KIF2C: variants seen among roughly 807,000 people sequenced by gnomAD.
KIF2C encodes kinesin family member 2C, also known as kinesin-like protein KIF2C.
Under a neutral mutation model 97.4 loss-of-function variants are expected in KIF2C, and 34 were observed. The ratio of observed to expected loss-of-function variants is 0.35; its 90% CI spans 0.27 to 0.46. KIF2C has a LOEUF of 0.46. Among genes scored for constraint, KIF2C ranks in the 20% least tolerant of loss-of-function variants. The pLI is 1.00. For missense variants in KIF2C, 750 were observed against 907.6 expected (o/e 0.83, Z 2.23); for synonymous variants, 313 against 318.2 (o/e 0.98, Z 0.17).
At chr1:44,755,844 G>T in intron 8 of KIF2C, 85 bp from the exon 9 acceptor site, 1 of 1,280,766 alleles carries the variant, frequency 7.8e-7, no homozygotes, top group Non-Finnish European at 1.1e-6. Flanking sequence ...ACATGGGATT[G>T]GAAGGGGTGG....
At position 44,753,352 on chromosome 1, in the gene KIF2C, C is replaced by T. The variant is rs1026927917; in HGVS notation, c.562+98C>T. ...GCCTACCTTGGCACCTGAGTTCAAG[C>T]CCTGTTTGTCACGTGGGGGCATGTT... is the stretch of plus-strand genomic sequence containing the variant. On this transcript the variant is annotated intron_variant, in intron 6 of 20. Coordinates refer to ENST00000372224, the MANE Select transcript of KIF2C (RefSeq NM_006845.4). 2.2e-6 allele frequency: 3 copies of T among 1,372,380 alleles called. No homozygotes were observed. The African/African-American group carries it at 4.4e-5, about 20-fold the overall frequency. 85.0% of individuals were successfully genotyped at this position (1,372,380 alleles called of 1,614,324 possible).
chr1:44,759,355 G>A lies in KIF2C; in HGVS notation c.1367+7G>A, dbSNP rs1170345618. 1.2e-6 allele frequency: 2 copies of A among 1,613,904 alleles called. No homozygotes were observed. Among genetic ancestry groups the A allele is most frequent in the African/African-American group, 2.7e-5 (2 of 74,936 alleles). On this transcript the variant is annotated splice_region_variant and intron_variant, in intron 14 of 20. Transcript: ENST00000372224. ...ACATGGGCAGCGCCTGCAGGTGAGA[G>A]TCCTGGTGAGGGGAAGGAGCGACCT...
Position 44,753,149 on chromosome 1 carries a change from T to C in KIF2C, c.457T>C (p.Ser153Pro). 6.2e-7 allele frequency: 1 copy of C among 1,613,170 alleles called. No individual in the cohort carries two copies. Among genetic ancestry groups the C allele is most frequent in the Non-Finnish European group, 8.5e-7 (1 of 1,179,496 alleles). The change falls in exon 6 of 21, where the codon TCC (serine) becomes CCC (proline). Residue 153 changes from serine (S) to proline (P), a missense_variant. Coordinates refer to ENST00000372224, the MANE Select transcript of KIF2C (RefSeq NM_006845.4). Reference protein sequence around the residue: ...FSVPPAPTRPSCPAVAEIPLR... With the variant: ...FSVPPAPTRPPCPAVAEIPLR... ...CCCTACAGCTGCCCCCACTAGGCCT[T>C]CCTGCCCTGCAGTGGCTGAAATACC...
rs1023732842 is a variant in KIF2C at position 44,760,021 on chromosome 1, C to G, written c.1368-259C>G. Among the ~76,000 whole-genome samples, 5 of 152,154 alleles carry G rather than the reference C, an allele frequency of 3.3e-5. No individual in the cohort carries two copies. The highest frequency in any genetic ancestry group is 7.4e-5 in the Non-Finnish European group (5 of 68,024). On this transcript the variant is annotated intron_variant, in intron 14 of 20. Transcript: ENST00000372224. The surrounding 1 kb of genome is among the most constrained non-coding windows in gnomAD (Gnocchi z 4.2). ...CTTTAGCAGAGGGAATTTATCCTTC[C>G]CCGTGTCCTTCTAGGGCTCCAGGTC...
At chr1:44,767,069 C>G (rs1343239392) in intron 20 of KIF2C, 28 bp from the exon 21 acceptor site, 4 of 1,612,524 alleles carry the variant, frequency 2.5e-6, no homozygotes, top group African/African-American at 2.7e-5. Context: ...CTCACTAACC[C>G]CATATGTACC....
intron 4 of KIF2C, 51 bp downstream of exon 4, chr1:44,747,751 T>C (rs1327641962): frequency 1.9e-6 from 3 of 1,544,174 alleles, no homozygotes; most frequent in Non-Finnish European, 1.8e-6. Context: ...TCAGGAATTA[T>C]GTTTCTAGGA....
chr1:44,767,377 C>T lies in KIF2C; in HGVS notation c.*198C>T, dbSNP rs2148838571. On this transcript the variant is annotated 3_prime_UTR_variant, in exon 21 of 21. Coordinates refer to ENST00000372224, the MANE Select transcript of KIF2C (RefSeq NM_006845.4). ...CATGGGACACTCCTTTTCTGTTCCT[C>T]AGTTGTCGCCCTCACGAGAGGAAGG... is the stretch of plus-strand genomic sequence containing the variant. The T allele has an allele frequency of 5.7e-6, 3 of 528,148 alleles. No individual in the cohort carries two copies. Among genetic ancestry groups the T allele is most frequent in the South Asian group, 4.1e-5 (2 of 48,794 alleles). 32.7% of individuals were successfully genotyped at this position (528,148 alleles called of 1,614,324 possible).
chr1:44,742,659 C>T (rs1200549989), intron 2 of KIF2C, among the ~76,000 whole-genome samples: 5 of 145,122 alleles, frequency 3.4e-5, no homozygotes, highest in Non-Finnish European at 7.4e-5. Context: ...GCAGAGGTTG[C>T]AGTGAGCTGA....
chr1:44,739,967 T>C lies in KIF2C; in HGVS notation c.35T>C (p.Phe12Ser). The C allele has an allele frequency of 1.2e-6, 2 of 1,614,218 alleles. No individual in the cohort carries two copies. The highest frequency in any genetic ancestry group is 1.7e-6 in the Non-Finnish European group (2 of 1,180,038). The change falls in exon 1 of 21, where the codon TTT becomes TCT. Residue 12 changes from phenylalanine to serine, a missense_variant. Coordinates refer to ENST00000372224, the MANE Select transcript of KIF2C (RefSeq NM_006845.4). Reference sequence around the variant, plus strand: ...GACTCGTCGCTTCAGGCCCGCCTGTTTCCCGGTCTCGCTATCAAGATCCAA... The same window carrying C: ...GACTCGTCGCTTCAGGCCCGCCTGTCTCCCGGTCTCGCTATCAAGATCCAA... ...AMDSSLQARL[F>S]PGLAIKIQRS...
At chr1:44,761,825 G>T (rs1650160223) in intron 16 of KIF2C, 91 bp from the exon 17 acceptor site, 3 of 1,240,004 alleles carry the variant, frequency 2.4e-6, no homozygotes, top group Non-Finnish European at 3.6e-6. Context: ...AAAGCTTGAA[G>T]AAACACCCTG....
At chr1:44,747,551 CTGAT>C in intron 3 of KIF2C, 66 bp downstream of exon 3, 3 of 1,568,466 alleles carry the variant, frequency 1.9e-6, no homozygotes, top group Non-Finnish European at 2.6e-6. Flanking sequence ...TGACTCTTTG[CTGAT>C]TGATTGTCTG....
At position 44,751,739 on chromosome 1, in the gene KIF2C, C is replaced by T. The variant is rs138260510; in HGVS notation, c.439+1175C>T. On this transcript the variant is annotated intron_variant, in intron 5 of 20. Transcript: ENST00000372224. ...GTCAGGCTGGTCTCGAACTCCTGAC[C>T]TCATGTGATCTGCCCGCCTTGGCCT... is the stretch of plus-strand genomic sequence containing the variant. Among the ~76,000 whole-genome samples, 732 of 151,430 alleles carry T rather than the reference C, an allele frequency of 4.8e-3. 5 individuals carry two copies. The highest frequency in any genetic ancestry group is 0.017 in the African/African-American group (695 of 41,226).
chr1:44,756,302 G>C, intron 10 of KIF2C, 65 bp downstream of exon 10: 1 of 1,483,086 alleles, frequency 6.7e-7, no homozygotes, highest in Non-Finnish European at 9.4e-7. Flanking sequence ...GTGGGACATC[G>C]TGGTAACACT....
At chr1:44,741,065 T>A in intron 2 of KIF2C, 58 bp downstream of exon 2, 1 of 1,337,904 alleles carries the variant, frequency 7.5e-7, no homozygotes, top group Non-Finnish European at 1.1e-6. Context: ...AAAGGATCTG[T>A]GCAGAAGTGG....
intron 2 of KIF2C, among the ~76,000 whole-genome samples, chr1:44,747,026 G>C (rs1474356793): frequency 6.6e-6 from 1 of 151,768 alleles, no homozygotes; most frequent in Non-Finnish European, 1.5e-5. Context: ...GCCTCGGGGG[G>C]GCCAGGCACA....
At position 44,765,560 on chromosome 1, in the gene KIF2C, C is replaced by T. The variant is rs572967401; in HGVS notation, c.1972-1266C>T. Among the ~76,000 whole-genome samples, 6 of 152,172 alleles carry T rather than the reference C, an allele frequency of 3.9e-5. No individual in the cohort carries two copies. In the East Asian group the frequency reaches 5.8e-4, roughly 15 times the overall value. On this transcript the variant is annotated intron_variant, in intron 19 of 20. Coordinates refer to ENST00000372224, the MANE Select transcript of KIF2C (RefSeq NM_006845.4). ...AAAGAATAAAGTCACTCGGGCTGGGCGCGGTGGCTTATGCCTATAATCCCA... is the reference window on the plus strand; with the variant it reads ...AAAGAATAAAGTCACTCGGGCTGGGTGCGGTGGCTTATGCCTATAATCCCA...
intron 2 of KIF2C, 122 bp downstream of exon 2, chr1:44,741,129 T>A: frequency 1.4e-6 from 1 of 707,118 alleles, no homozygotes; most frequent in Non-Finnish European, 2.3e-6. Context: ...ACGCCTGTAA[T>A]CCCAGAACTT....
At position 44,767,450 on chromosome 1, in the gene KIF2C, TG is replaced by T. The variant is rs1265884308; in HGVS notation, c.*272del. On this transcript the variant is annotated 3_prime_UTR_variant, in exon 21 of 21. Transcript: ENST00000372224. ...TTGCCCTTCTTTCCATCAAGGGGAA[TG>T]TTCTCAGCATAGAGCTTTCTCCGCA... 1 of 382,872 alleles carries T rather than the reference TG, an allele frequency of 2.6e-6. No homozygotes were observed. The highest frequency in any genetic ancestry group is 2.1e-5 in the African/African-American group (1 of 48,170). 23.7% of individuals were successfully genotyped at this position (382,872 alleles called of 1,614,324 possible).
rs367886407 is a variant in KIF2C at position 44,755,932 on chromosome 1, G to A, written c.763G>A (p.Glu255Lys). The change falls in exon 9 of 21, where the codon GAA (glutamate) becomes AAA (lysine). Residue 255 changes from glutamate to lysine, a missense_variant. Transcript: ENST00000372224. ...CHPLTMTDPIEEHRICVCVRK... is the reference protein window; with the variant it reads ...CHPLTMTDPIKEHRICVCVRK... ...GCCTCCTCTCATCCGCTTGCAGATC[G>A]AAGAGCACAGAATATGTGTCTGTGT... 6.2e-6 allele frequency: 10 copies of A among 1,613,860 alleles called. No homozygotes were observed. Among genetic ancestry groups the A allele is most frequent in the Non-Finnish European group, 8.5e-6 (10 of 1,179,948 alleles).
Sources: allele counts gnomAD v4.1 joint callset (sites outside exome capture counted in the v4.1 genomes callset), GRCh38; gene constraint gnomAD v4.1.1; non-coding constraint Gnocchi (gnomAD v3.1); transcripts MANE v1.5; gene names NCBI Gene and HGNC (gene_info 2026-07-23, HGNC 2026-07-21).